INTU: variants seen among roughly 807,000 people sequenced by gnomAD.
The protein encoded by INTU is protein inturned.
In INTU, 68 loss-of-function variants were observed where a neutral mutation model predicts 100.5. The ratio of observed to expected loss-of-function variants is 0.68; its 90% CI spans 0.56 to 0.83. The LOEUF (loss-of-function observed/expected upper bound fraction) is 0.83. Among genes scored for constraint, INTU ranks in the 40% least tolerant of loss-of-function variants. INTU has a pLI of 0.00. For missense variants in INTU, 1,071 were observed against 1,114.7 expected (o/e 0.96, Z 0.56); for synonymous variants, 357 against 395.7 (o/e 0.90, Z 1.16).
intron 7 of INTU, chr4:127,686,164 A>G (rs907278892): frequency 3.3e-5 from 5 of 152,190 alleles, no homozygotes; most frequent in Non-Finnish European, 5.9e-5. Flanking sequence ...TGAGCTGGTT[A>G]ATTCTCTATG....
At chr4:127,652,254 A>C (rs1296310372) in intron 2 of INTU, among the ~76,000 whole-genome samples, 1 of 143,942 alleles carries the variant, frequency 6.9e-6, no homozygotes, top group Non-Finnish European at 1.5e-5. Context: ...TTCCAACACT[A>C]TGTTGAATAG....
In INTU at chr4:127,688,522, C is replaced by T. The variant is rs74630560; in HGVS notation, c.1449+655C>T. Among the ~76,000 whole-genome samples, 1,039 of 152,070 alleles carry T rather than the reference C, an allele frequency of 6.8e-3. 12 individuals are homozygous for T. The highest frequency in any genetic ancestry group is 0.024 in the African/African-American group (994 of 41,478). On this transcript the variant is annotated intron_variant, in intron 8 of 15. Transcript: ENST00000335251. ...ATTAGTATTAAATGAGGCATTATGC[C>T]ATAGCCACTTCTCTGCTCTTGAAGA... is the stretch of plus-strand genomic sequence containing the variant.
intron 1 of INTU, among the ~76,000 whole-genome samples, chr4:127,637,601 T>C (rs556582466): frequency 6.6e-6 from 1 of 152,228 alleles, no homozygotes; most frequent in Non-Finnish European, 1.5e-5. Flanking sequence ...TCTTAGACTA[T>C]CTCTCCATCC....
In INTU at chr4:127,722,708, A is replaced by G. The variant is rs934325825; in HGVS notation, c.*6272A>G. The G allele has an allele frequency of 1.3e-5, 2 of 152,348 alleles. No individual in the cohort carries two copies. The highest frequency in any genetic ancestry group is 2.9e-5 in the Non-Finnish European group (2 of 68,160). The allele number at this position is 152,348 out of a possible 1,614,324, so 9.4% of individuals were successfully genotyped here. A position where few individuals can be genotyped will look rare whatever the true frequency, so the allele number is the denominator to read the frequency against. Reference sequence around the variant, plus strand: ...GAGGAGTGAATCTGGGTTCCACCCCATCTCGCCGGCGCTAGCAGCAAGGGA... The same window carrying G: ...GAGGAGTGAATCTGGGTTCCACCCCGTCTCGCCGGCGCTAGCAGCAAGGGA... On this transcript the variant is annotated 3_prime_UTR_variant, in exon 16 of 16. Transcript: ENST00000335251.
chr4:127,670,503 T>C (rs1165491528), intron 5 of INTU, among the ~76,000 whole-genome samples: 1 of 152,006 alleles, frequency 6.6e-6, no homozygotes, highest in East Asian at 1.9e-4. Context: ...TTTATAAATT[T>C]GGGTTCATAA....
At chr4:127,655,716 G>A (rs913132562) in intron 2 of INTU, among the ~76,000 whole-genome samples, 4 of 152,140 alleles carry the variant, frequency 2.6e-5, no homozygotes, top group South Asian at 2.1e-4. Flanking sequence ...GCCTACAGAG[G>A]CAGGCAGGCC....
chr4:127,711,282 T>A (rs1002287608), intron 14 of INTU, among the ~76,000 whole-genome samples, 180 bp downstream of exon 14: 8 of 152,216 alleles, frequency 5.3e-5, no homozygotes, highest in Non-Finnish European at 8.8e-5. Flanking sequence ...TTTTATTTTA[T>A]ACTGAATCTG....
chr4:127,659,693 A>G (rs1417516455), intron 3 of INTU, among the ~76,000 whole-genome samples: 2 of 152,140 alleles, frequency 1.3e-5, no homozygotes, highest in Non-Finnish European at 2.9e-5. Context: ...AATTTTGCAG[A>G]TGACGAAGAC....
At position 127,708,644 on chromosome 4, in the gene INTU, A is replaced by G; in HGVS notation, c.2345A>G (p.Glu782Gly). 1 of 1,575,308 alleles carries G rather than the reference A, an allele frequency of 6.3e-7. No homozygotes were observed. Among genetic ancestry groups the G allele is most frequent in the Non-Finnish European group, 8.7e-7 (1 of 1,148,356 alleles). The stretch of plus-strand genomic sequence containing the variant: ...TTGAAAAAGGACCTTCCAGAAAAAG[A>G]ATTAGAAATATATAACACAGTGAAG... ...GNLKKDLPEK[E>G]LEIYNTVKLT... is the part of the protein sequence containing the mutation. Residue 782 changes from glutamate (E) to glycine (G), a missense_variant, in exon 13 of 16, where the codon GAA becomes GGA. Glu to Gly is a moderately conservative substitution (Grantham distance 98). Coordinates refer to ENST00000335251, the MANE Select transcript of INTU (RefSeq NM_015693.4).
intron 1 of INTU, among the ~76,000 whole-genome samples, chr4:127,637,373 C>T (rs902278792): frequency 1.3e-5 from 2 of 152,182 alleles, no homozygotes; most frequent in African/African-American, 4.8e-5. Context: ...AATTTTAGAT[C>T]TGTCCCAAGT....
chr4:127,682,547 A>AG (rs1008716222), intron 6 of INTU, among the ~76,000 whole-genome samples: 1 of 139,488 alleles, frequency 7.2e-6, no homozygotes, highest in Non-Finnish European at 1.5e-5. Context: ...TTGAACAATG[A>AG]GAACACATGG....
chr4:127,632,984 T>C lies in INTU; in HGVS notation c.-51T>C. The C allele has an allele frequency of 1.3e-6, 2 of 1,576,716 alleles. No homozygotes were observed. The highest frequency in any genetic ancestry group is 2.3e-5 in the South Asian group (2 of 88,206). Reference sequence around the variant, plus strand: ...AGGCAACATGGCGGCCTTAGCAAGCTATAGCTGCGAGATTTGAATTACTCC... The same window carrying C: ...AGGCAACATGGCGGCCTTAGCAAGCCATAGCTGCGAGATTTGAATTACTCC... On this transcript the variant is annotated 5_prime_UTR_variant, in exon 1 of 16. Coordinates refer to ENST00000335251, the MANE Select transcript of INTU (RefSeq NM_015693.4).
intron 13 of INTU, among the ~76,000 whole-genome samples, chr4:127,709,882 A>G (rs1440841475): frequency 6.6e-6 from 1 of 152,220 alleles, no homozygotes; most frequent in Non-Finnish European, 1.5e-5. Context: ...AAAATAATAC[A>G]TTAGAAATCT....
intron 7 of INTU, 127 bp from the exon 8 acceptor site, chr4:127,687,551 A>C: frequency 2.9e-6 from 2 of 696,108 alleles, no homozygotes. Context: ...CAGCAATTCT[A>C]TTGAAGGAAG....
rs74826084 is a variant in INTU at position 127,702,115 on chromosome 4, C to T, written c.1503+2052C>T. ...AAATCTAATTCCTGCCTTTATAGAACACTATTTTAATGAGCAGTGGAGTTA... is the reference window on the plus strand; with the variant it reads ...AAATCTAATTCCTGCCTTTATAGAATACTATTTTAATGAGCAGTGGAGTTA... On this transcript the variant is annotated intron_variant, in intron 9 of 15. Coordinates refer to ENST00000335251, the MANE Select transcript of INTU (RefSeq NM_015693.4). Among the ~76,000 whole-genome samples, 412 of 151,724 alleles carry T rather than the reference C, an allele frequency of 2.7e-3. 4 individuals are homozygous for T. Among genetic ancestry groups the T allele is most frequent in the African/African-American group, 9.4e-3 (389 of 41,360 alleles).
intron 2 of INTU, among the ~76,000 whole-genome samples, chr4:127,653,103 C>T (rs1727981171): frequency 6.6e-6 from 1 of 150,890 alleles, no homozygotes; most frequent in Admixed American, 6.6e-5. Context: ...CTATTTGATT[C>T]TTCTCTCTTT....
At position 127,699,843 on chromosome 4, in the gene INTU, A is replaced by G. The variant is rs145818880; in HGVS notation, c.1450-167A>G. ...TAAGTAAACTGTTTTACAGTGGCAA[A>G]GCTTAAAAACAATATGTTCCATTTT... On this transcript the variant is annotated intron_variant, in intron 8 of 15. Transcript: ENST00000335251. Among the ~76,000 whole-genome samples the G allele has an allele frequency of 9.0e-3, 1,369 of 152,328 alleles. 21 individuals carry two copies. The highest frequency in any genetic ancestry group is 0.032 in the African/African-American group (1,311 of 41,584).
chr4:127,710,852 C>A, intron 13 of INTU, 61 bp from the exon 14 acceptor site: 10 of 1,022,410 alleles, frequency 9.8e-6, no homozygotes, highest in South Asian at 5.7e-5. Context: ...CAAAATGAAC[C>A]AATATTTTAA....
At chr4:127,673,366 T>TC in intron 5 of INTU, among the ~76,000 whole-genome samples, 1 of 150,276 alleles carries the variant, frequency 6.7e-6, no homozygotes, top group Admixed American at 6.6e-5. Context: ...TTTTTTTTTT[T>TC]AAGAGATGCG....
Sources: allele counts gnomAD v4.1 joint callset (sites outside exome capture counted in the v4.1 genomes callset), GRCh38; gene constraint gnomAD v4.1.1; transcripts MANE v1.5; gene names NCBI Gene and HGNC (gene_info 2026-07-23, HGNC 2026-07-21).